The following STAC variants were observed in gnomAD, a reference collection of about 807,000 sequenced individuals.
STAC encodes the protein SH3 and cysteine rich domain.
Under a neutral mutation model 48.8 loss-of-function variants are expected in STAC, and 43 were observed. The ratio of observed to expected loss-of-function variants is 0.88; its 90% CI spans 0.69 to 1.14. The LOEUF (loss-of-function observed/expected upper bound fraction) is 1.14, where lower values mean the gene tolerates loss of function less well. STAC is among the 50% of genes most tolerant of loss of function. The probability of loss-of-function intolerance (pLI) is 0.00; values close to 1 mark genes in which losing one functional copy is unlikely to be tolerated. For synonymous variants in STAC, 193 were observed against 179.5 expected (o/e 1.07, Z -0.60); for missense variants, 497 against 504.0 (o/e 0.99, Z 0.13).
At chr3:36,437,448 A>G (rs776492519) in intron 1 of STAC, among the ~76,000 whole-genome samples, 2 of 151,956 alleles carry the variant, frequency 1.3e-5, no homozygotes, top group Admixed American at 6.5e-5. Context: ...ATGCAGCCAT[A>G]AAAAATGATG....
At chr3:36,454,829 G>A (rs1379286434) in intron 2 of STAC, among the ~76,000 whole-genome samples, 1 of 152,064 alleles carries the variant, frequency 6.6e-6, no homozygotes, top group African/African-American at 2.4e-5. Flanking sequence ...ATTCAGGGAG[G>A]GGGGAATATT....
chr3:36,399,505 A>G (rs1699957974), intron 1 of STAC, among the ~76,000 whole-genome samples: 1 of 152,092 alleles, frequency 6.6e-6, no homozygotes, highest in Admixed American at 6.5e-5. Context: ...TGAACTATAG[A>G]TTTTCAGGGA....
chr3:36,458,785 A>T (rs1329870736), intron 2 of STAC, among the ~76,000 whole-genome samples: 3 of 152,204 alleles, frequency 2.0e-5, no homozygotes, highest in African/African-American at 4.8e-5. Flanking sequence ...TGTACCCCAA[A>T]TGAAGGACTT....
chr3:36,465,853 T>A (rs1457417505), intron 2 of STAC, among the ~76,000 whole-genome samples: 2 of 152,124 alleles, frequency 1.3e-5, no homozygotes, highest in Admixed American at 1.3e-4. Context: ...TGGAAGCTGA[T>A]TAGATTGTGC....
At chr3:36,535,078 CATG>C (rs1699167321) in intron 10 of STAC, among the ~76,000 whole-genome samples, 2 of 152,144 alleles carry the variant, frequency 1.3e-5, no homozygotes, top group African/African-American at 4.8e-5. Context: ...TGGCCATTTA[CATG>C]ATACTTTTTC....
intron 1 of STAC, among the ~76,000 whole-genome samples, chr3:36,437,966 T>TA (rs1372425293): frequency 1.1e-4 from 16 of 148,290 alleles, no homozygotes; most frequent in African/African-American, 4.0e-4. Flanking sequence ...TTATTATTAT[T>TA]TAGATGAGTT....
intron 8 of STAC, among the ~76,000 whole-genome samples, chr3:36,508,353 A>G (rs534692997): frequency 6.6e-6 from 1 of 152,100 alleles, no homozygotes; most frequent in East Asian, 1.9e-4. Flanking sequence ...TGTGGTCAAT[A>G]TTAGAATAAG....
intron 1 of STAC, among the ~76,000 whole-genome samples, chr3:36,385,328 C>G (rs1337741154): frequency 6.6e-6 from 1 of 152,042 alleles, no homozygotes; most frequent in African/African-American, 2.4e-5. Context: ...AGATTTCATA[C>G]ATTTAAAAAA....
chr3:36,469,646 T>C (rs1488618298), intron 2 of STAC, among the ~76,000 whole-genome samples: 1 of 152,244 alleles, frequency 6.6e-6, no homozygotes, highest in African/African-American at 2.4e-5. Context: ...AGGGAAGTTT[T>C]CCTTGATTAT....
chr3:36,488,493 T>C (rs1475452148), intron 5 of STAC, among the ~76,000 whole-genome samples: 2 of 152,168 alleles, frequency 1.3e-5, no homozygotes, highest in African/African-American at 4.8e-5. Context: ...GGTCTGCTTT[T>C]GCTTGGTCTT....
Position 36,546,244 on chromosome 3 carries a change from A to C in STAC, c.1164A>C (p.Gly388=), listed in dbSNP as rs148187768. Residue 388 remains glycine, a synonymous_variant, in exon 11 of 11, where the codon GGA becomes GGC. Coordinates refer to ENST00000273183, the MANE Select transcript of STAC (RefSeq NM_003149.3). ...ATGGTTTTATCAGAGTCCTCAGTGG[A>C]AAAAAGAAAGGCCTCATCCCCCTTG... is the stretch of plus-strand genomic sequence containing the variant. ...EQDGFIRVLS[G]KKKGLIPLDV... is the part of the protein sequence containing the mutation. 1.4e-5 allele frequency: 22 copies of C among 1,614,042 alleles called. No homozygotes were observed. The East Asian group carries it at 4.9e-4, about 36-fold the overall frequency.
At chr3:36,542,450 C>T (rs1284665223) in intron 10 of STAC, among the ~76,000 whole-genome samples, 1 of 152,136 alleles carries the variant, frequency 6.6e-6, no homozygotes, top group African/African-American at 2.4e-5. Context: ...ATCTTACACC[C>T]ATTAGTCCCT....
intron 10 of STAC, among the ~76,000 whole-genome samples, chr3:36,538,260 C>T (rs964094283): frequency 2.6e-5 from 4 of 152,032 alleles, no homozygotes; most frequent in South Asian, 2.1e-4. Flanking sequence ...ATATGGTCTG[C>T]GGCTGCTTTC....
At chr3:36,454,635 GA>G (rs1400463235) in intron 2 of STAC, among the ~76,000 whole-genome samples, 1 of 152,124 alleles carries the variant, frequency 6.6e-6, no homozygotes, top group East Asian at 1.9e-4. Flanking sequence ...TTAAGAATGA[GA>G]AAGGGACCAA....
At chr3:36,384,752 C>A (rs1187204132) in intron 1 of STAC, among the ~76,000 whole-genome samples, 1 of 152,094 alleles carries the variant, frequency 6.6e-6, no homozygotes, top group Non-Finnish European at 1.5e-5. Context: ...CCACCCAGTG[C>A]CCTAGTGGAG....
chr3:36,491,220 T>G (rs1285029003), intron 5 of STAC, among the ~76,000 whole-genome samples: 1 of 152,246 alleles, frequency 6.6e-6, no homozygotes, highest in Non-Finnish European at 1.5e-5. Context: ...AAAGCTTTGT[T>G]CCACAGCTTT....
chr3:36,513,173 A>G (rs889372501), intron 8 of STAC, among the ~76,000 whole-genome samples: 5 of 152,164 alleles, frequency 3.3e-5, no homozygotes, highest in Admixed American at 3.3e-4. Flanking sequence ...ATATCTGCTC[A>G]ATAATAAGAA....
At chr3:36,487,614 T>C (rs1001110614) in intron 5 of STAC, among the ~76,000 whole-genome samples, 1 of 152,108 alleles carries the variant, frequency 6.6e-6, no homozygotes, top group African/African-American at 2.4e-5. Flanking sequence ...ACCAAACCAA[T>C]AGCGAAGAAA....
intron 1 of STAC, among the ~76,000 whole-genome samples, chr3:36,386,185 G>C (rs1347759558): frequency 6.6e-6 from 1 of 151,844 alleles, no homozygotes; most frequent in Non-Finnish European, 1.5e-5. Context: ...AGCAATTAAT[G>C]GTATTGCAAT....
Sources: gnomAD v4.1 joint callset for allele counts (sites outside exome capture counted in the v4.1 genomes callset) on GRCh38, gnomAD v4.1.1 for gene constraint, MANE v1.5 for transcripts, NCBI Gene and HGNC (gene_info 2026-07-23, HGNC 2026-07-21) for gene names.